Variants in PRAG1 observed in about 807,000 individuals in gnomAD.
PRAG1 encodes the protein inactive tyrosine-protein kinase PRAG1.
Under a neutral mutation model 95.6 loss-of-function variants are expected in PRAG1, and 110 were observed. The ratio of observed to expected loss-of-function variants is 1.15; its 90% CI spans 0.99 to 1.35. PRAG1 has a LOEUF of 1.35. PRAG1 is among the 40% of genes most tolerant of loss of function. The pLI is 0.00. For missense variants in PRAG1, 2,554 were observed against 1,864.7 expected, an observed-to-expected ratio of 1.37 and a Z score of -6.81; for synonymous variants, 1,052 against 819.4, an observed-to-expected ratio of 1.28 and a Z score of -4.85.
At chr8:8,351,650 T>C (rs964898671) in intron 3 of PRAG1, among the ~76,000 whole-genome samples, 29 of 152,330 alleles carry the variant, frequency 1.9e-4, no homozygotes, top group African/African-American at 7.0e-4. Context: ...CTAGATAATT[T>C]ATAGTATAGC....
intron 4 of PRAG1, among the ~76,000 whole-genome samples, chr8:8,332,456 G>C (rs1264192729): frequency 2.0e-5 from 3 of 152,130 alleles, no homozygotes; most frequent in Non-Finnish European, 4.4e-5. Context: ...GAGCTACTGT[G>C]CCCGGTCTAT....
intron 3 of PRAG1, among the ~76,000 whole-genome samples, chr8:8,372,108 A>G (rs1177548580): frequency 1.3e-5 from 2 of 152,194 alleles, no homozygotes; most frequent in African/African-American, 2.4e-5. Context: ...TAGTCACCCA[A>G]AAGTCATTAA....
intron 1 of PRAG1, among the ~76,000 whole-genome samples, chr8:8,385,103 T>G (rs1249150966): frequency 6.6e-6 from 1 of 152,238 alleles, no homozygotes; most frequent in Non-Finnish European, 1.5e-5. Context: ...GCTTATGCCT[T>G]ATTCTGAAGT....
Position 8,318,773 on chromosome 8 carries a change from G to A in PRAG1, c.3602C>T (p.Pro1201Leu), listed in dbSNP as rs1408094640. 3 of 1,557,030 alleles carry A rather than the reference G, an allele frequency of 1.9e-6. No individual in the cohort carries two copies. Among genetic ancestry groups the A allele is most frequent in the Admixed American group, 1.8e-5 (1 of 54,660 alleles). ...CAGCTGCTTCTCCCGGGGCCCTTCC[G>A]GGGAGGCGGGGCCGGCTGCGGGGCT... Reference protein sequence around the residue: ...TLSPAAGPASPEGPREKQLPR... With the variant: ...TLSPAAGPASLEGPREKQLPR... The change falls in exon 6 of 6, where the codon CCG becomes CTG. Residue 1201 changes from proline (P) to leucine (L), a missense_variant. By Grantham distance (98) the Pro-to-Leu change is moderately conservative (BLOSUM62 -3). Coordinates refer to ENST00000615670, the MANE Select transcript of PRAG1 (RefSeq NM_001080826.3). The surrounding 1 kb of genome is among the most constrained non-coding windows in gnomAD (Gnocchi z 4.2).
chr8:8,339,770 AT>A (rs1799108018), intron 3 of PRAG1, 135 bp from the exon 4 acceptor site: 1 of 797,320 alleles, frequency 1.3e-6, no homozygotes. Context: ...AAAAAAAAAG[AT>A]TTTGGGGAGA....
At chr8:8,340,656 T>G (rs942555897) in intron 3 of PRAG1, among the ~76,000 whole-genome samples, 1 of 152,276 alleles carries the variant, frequency 6.6e-6, no homozygotes, top group African/African-American at 2.4e-5. Context: ...AAGAATTTAT[T>G]GGCTGTTCTT....
rs1563243187 is a variant in PRAG1 at position 8,353,124 on chromosome 8, G to T, written c.2163-13489C>A. On this transcript the variant is annotated intron_variant, in intron 3 of 5. Transcript: ENST00000615670. ...AGATAGCAGTATAATTATAGTAGGA[G>T]ACTTCAACACCTCATTTTCAACAAT... is the stretch of plus-strand genomic sequence containing the variant. 2.6e-5 allele frequency among the ~76,000 whole-genome samples: 4 copies of T among 152,256 alleles called. No homozygotes were observed. The South Asian group carries it at 8.3e-4, about 32-fold the overall frequency.
intron 3 of PRAG1, among the ~76,000 whole-genome samples, chr8:8,340,420 T>A (rs983541013): frequency 7.2e-5 from 11 of 152,344 alleles, no homozygotes; most frequent in African/African-American, 2.6e-4. Flanking sequence ...CACATGAATA[T>A]TCATTTCTGA....
At position 8,377,027 on chromosome 8, in the gene PRAG1, C is replaced by T. The variant is rs552652315; in HGVS notation, c.1382G>A (p.Arg461Gln). The T allele has an allele frequency of 1.5e-5, 25 of 1,613,924 alleles. No homozygotes were observed. Among genetic ancestry groups the T allele is most frequent in the East Asian group, 6.7e-5 (3 of 44,878 alleles). Residue 461 changes from arginine (R) to glutamine (Q), a missense_variant, in exon 3 of 6, where the codon CGG (arginine) becomes CAG (glutamine). By Grantham distance (43) the Arg-to-Gln change is conservative (BLOSUM62 1). Coordinates refer to ENST00000615670, the MANE Select transcript of PRAG1 (RefSeq NM_001080826.3). The part of the protein sequence containing the change: ...WAQKAASGWG[R>Q]DSPDPTPQVS... ...CTGGGGAGTTGGGTCTGGGCTGTCC[C>T]GGCCCCAGCCAGATGCTGCTTTCTG...
At chr8:8,352,571 A>C (rs534106302) in intron 3 of PRAG1, among the ~76,000 whole-genome samples, 2 of 152,306 alleles carry the variant, frequency 1.3e-5, no homozygotes, top group African/African-American at 4.8e-5. Flanking sequence ...CTATTTCTCC[A>C]TGACTCACAG....
At chr8:8,324,984 T>C (rs1041929183) in intron 5 of PRAG1, among the ~76,000 whole-genome samples, 5 of 152,166 alleles carry the variant, frequency 3.3e-5, no homozygotes, top group African/African-American at 1.2e-4. Context: ...GGAGCAGGTG[T>C]GAGCCTGCTA....
chr8:8,327,853 C>G lies in PRAG1; in HGVS notation c.2929G>C (p.Gly977Arg). The G allele has an allele frequency of 6.2e-7, 1 of 1,614,208 alleles. No homozygotes were observed. Among genetic ancestry groups the G allele is most frequent in the Non-Finnish European group, 8.5e-7 (1 of 1,180,036 alleles). ...VAKCEDLFMGGQKKELHFNEN... is the reference protein window; with the variant it reads ...VAKCEDLFMGRQKKELHFNEN... ...TTGAAGTGGAGCTCCTTTTTCTGGCCGCCCATGAAGAGGTCCTCACATTTG... is the reference window on the plus strand; with the variant it reads ...TTGAAGTGGAGCTCCTTTTTCTGGCGGCCCATGAAGAGGTCCTCACATTTG... The change falls in exon 5 of 6, where the codon GGC becomes CGC. Residue 977 changes from glycine (G) to arginine (R), a missense_variant. Gly to Arg is a moderately radical substitution (Grantham distance 125, BLOSUM62 -2). Coordinates refer to ENST00000615670, the MANE Select transcript of PRAG1 (RefSeq NM_001080826.3).
At chr8:8,384,634 C>T (rs1034452107) in intron 1 of PRAG1, among the ~76,000 whole-genome samples, 16 of 139,808 alleles carry the variant, frequency 1.1e-4, no homozygotes, top group Non-Finnish European at 2.3e-4. Context: ...AAAAAAAAAC[C>T]TCTTTTCCCG....
At chr8:8,341,605 A>G (rs1799165240) in intron 3 of PRAG1, among the ~76,000 whole-genome samples, 1 of 152,232 alleles carries the variant, frequency 6.6e-6, no homozygotes, top group East Asian at 1.9e-4. Context: ...TGGGAAAAAA[A>G]TCATATCATG....
chr8:8,385,604 C>T (rs1248122011), intron 1 of PRAG1, among the ~76,000 whole-genome samples: 1 of 152,216 alleles, frequency 6.6e-6, no homozygotes, highest in Non-Finnish European at 1.5e-5. Context: ...CGCCCCTAGA[C>T]CATTGGGCTT....
intron 3 of PRAG1, among the ~76,000 whole-genome samples, chr8:8,344,731 T>A (rs767485048): frequency 2.6e-5 from 4 of 152,170 alleles, no homozygotes; most frequent in Non-Finnish European, 5.9e-5. Flanking sequence ...AGGGCCTGAA[T>A]GAGGCAGGGG....
intron 3 of PRAG1, among the ~76,000 whole-genome samples, chr8:8,370,020 CA>C (rs1363275986): frequency 6.6e-6 from 1 of 152,112 alleles, no homozygotes; most frequent in Non-Finnish European, 1.5e-5. Context: ...AGAGCCCACT[CA>C]AAAGTAGACA....
At chr8:8,368,387 G>A (rs889255909) in intron 3 of PRAG1, among the ~76,000 whole-genome samples, 25 of 152,122 alleles carry the variant, frequency 1.6e-4, no homozygotes, top group Admixed American at 4.6e-4. Context: ...CACTCCTAAC[G>A]CCCAACATTT....
chr8:8,377,047 T>A lies in PRAG1; in HGVS notation c.1362A>T (p.Lys454Asn). 1.2e-6 allele frequency: 2 copies of A among 1,614,022 alleles called. No individual in the cohort carries two copies. Among genetic ancestry groups the A allele is most frequent in the South Asian group, 2.2e-5 (2 of 91,086 alleles). ...QVCTGNAWAQKAASGWGRDSP... is the reference protein window; with the variant it reads ...QVCTGNAWAQNAASGWGRDSP... ...TGTCCCGGCCCCAGCCAGATGCTGC[T>A]TTCTGGGCCCAGGCATTACCTGTGC... is the stretch of plus-strand genomic sequence containing the variant. Residue 454 changes from lysine to asparagine, a missense_variant, in exon 3 of 6, where the codon AAA (lysine) becomes AAT (asparagine). Lys to Asn is a moderately conservative substitution (Grantham distance 94, BLOSUM62 0). Coordinates refer to ENST00000615670, the MANE Select transcript of PRAG1 (RefSeq NM_001080826.3).
Sources: gnomAD v4.1 joint callset for allele counts (sites outside exome capture counted in the v4.1 genomes callset) on GRCh38, gnomAD v4.1.1 for gene constraint, Gnocchi (gnomAD v3.1) non-coding constraint, MANE v1.5 for transcripts, NCBI Gene and HGNC (gene_info 2026-07-23, HGNC 2026-07-21) for gene names.